PRRC2B: variants seen among roughly 807,000 people sequenced by gnomAD.
The protein encoded by PRRC2B is proline rich coiled-coil 2B.
Under a neutral mutation model 242.3 loss-of-function variants are expected in PRRC2B, and 68 were observed. The observed-to-expected ratio is 0.28, with a 90% CI of 0.23 to 0.34. The LOEUF (loss-of-function observed/expected upper bound fraction) is 0.34. Among genes scored for constraint, PRRC2B ranks in the 10% least tolerant of loss-of-function variants. PRRC2B has a pLI of 1.00. For synonymous variants in PRRC2B, 1,228 were observed against 1,173.6 expected (o/e 1.05, Z -0.95); for missense variants, 2,835 against 2,954.8 (o/e 0.96, Z 0.94).
chr9:131,420,498 T>TC (rs1564278664), intron 1 of PRRC2B, among the ~76,000 whole-genome samples: 8 of 90,762 alleles, frequency 8.8e-5, no homozygotes, highest in African/African-American at 2.8e-4. Context: ...TCTTTCTTTT[T>TC]TTTTTTTTTT....
At chr9:131,489,409 T>G (rs1036995881) in intron 28 of PRRC2B, among the ~76,000 whole-genome samples, 7 of 152,106 alleles carry the variant, frequency 4.6e-5, no homozygotes, top group Non-Finnish European at 7.4e-5. Flanking sequence ...CTCGAACTGC[T>G]GACCTCAGTG....
chr9:131,460,584 A>G (rs1227280080), intron 11 of PRRC2B, among the ~76,000 whole-genome samples: 1 of 151,930 alleles, frequency 6.6e-6, no homozygotes, highest in Non-Finnish European at 1.5e-5. Flanking sequence ...TCTTTTCCCT[A>G]TTTGTAGTTG....
chr9:131,466,943 AG>A, intron 12 of PRRC2B, among the ~76,000 whole-genome samples: 1 of 152,058 alleles, frequency 6.6e-6, no homozygotes, highest in South Asian at 2.1e-4. Context: ...CTGGGACTAC[AG>A]GTGCCCGCCA....
chr9:131,488,109 G>A lies in PRRC2B; in HGVS notation c.6225+13G>A. ...CCAGCTCCCACAGGTCAGGAATTCA[G>A]TCACTCTACCCAAAGCCCTAGGCTT... On this transcript the variant is annotated intron_variant, in intron 28 of 31. Transcript: ENST00000683519. The A allele has an allele frequency of 6.2e-7, 1 of 1,610,448 alleles. No individual in the cohort carries two copies. The highest frequency in any genetic ancestry group is 1.3e-5 in the African/African-American group (1 of 74,968).
At chr9:131,425,010 A>G (rs933098541) in intron 1 of PRRC2B, among the ~76,000 whole-genome samples, 1 of 152,132 alleles carries the variant, frequency 6.6e-6, no homozygotes, top group African/African-American at 2.4e-5. Context: ...TCTGCTGCCC[A>G]GGCTGGAGTG....
rs180782233 is a variant in PRRC2B, at chr9:131,447,571, C to T, written c.978-91C>T. The T allele has an allele frequency of 1.7e-5, 21 of 1,234,582 alleles. No homozygotes were observed. In the Middle Eastern group the frequency reaches 5.9e-4, roughly 35 times the overall value. The allele number at this position is 1,234,582 out of a possible 1,614,324, so 76.5% of individuals were successfully genotyped here. On this transcript the variant is annotated intron_variant, in intron 8 of 31. Transcript: ENST00000683519. ...AGAAATAATTAAATCAAACATGAACCTTTGCAGTGTGGAATTTATTTTTGG... is the reference window on the plus strand; with the variant it reads ...AGAAATAATTAAATCAAACATGAACTTTTGCAGTGTGGAATTTATTTTTGG...
In PRRC2B at chr9:131,475,253, C is replaced by T. The variant is rs1943656693; in HGVS notation, c.3124C>T (p.Pro1042Ser). The change falls in exon 16 of 32, where the codon CCC becomes TCC. Residue 1042 changes from proline (P) to serine (S), a missense_variant. Transcript: ENST00000683519. ...ARPPRESSDV[P>S]PMKRNNWIFI... The stretch of plus-strand genomic sequence containing the variant: ...ACCCCCACGAGAGTCCAGCGATGTT[C>T]CCCCCATGAAGAGAAATAACTGGAT... 1.9e-6 allele frequency: 3 copies of T among 1,613,350 alleles called. No individual in the cohort carries two copies. Among genetic ancestry groups the T allele is most frequent in the South Asian group, 1.1e-5 (1 of 91,062 alleles).
Position 131,388,584 on chromosome 9 carries a change from A to G in PRRC2B, c.-56+14853A>G, listed in dbSNP as rs1401766410. On this transcript the variant is annotated intron_variant, in intron 1 of 1. Coordinates refer to the PRRC2B transcript ENST00000682525. ...TTTTGAGACAGAGTCTTGCTCTGTC[A>G]CCAGGCTGGAGTGCAGTGGCGCGAT... 2.8e-5 allele frequency among the ~76,000 whole-genome samples: 4 copies of G among 145,344 alleles called. 1 individual carries two copies. The highest frequency in any genetic ancestry group is 6.1e-5 in the Non-Finnish European group (4 of 66,084).
At chr9:131,424,006 G>C (rs951985154) in intron 1 of PRRC2B, among the ~76,000 whole-genome samples, 1 of 151,458 alleles carries the variant, frequency 6.6e-6, no homozygotes, top group Non-Finnish European at 1.5e-5. Context: ...CCCAATCTCC[G>C]TTCACTGCAA....
chr9:131,373,657 C>A (rs1263823872), exon 1 of PRRC2B: 1 of 152,250 alleles, frequency 6.6e-6, no homozygotes, highest in Non-Finnish European at 1.5e-5. Context: ...CCCCGCCTTC[C>A]GCTCTGGGCC....
chr9:131,448,543 C>CAAAAAAAAAAAAA (rs754661321), intron 9 of PRRC2B, among the ~76,000 whole-genome samples: 682 of 39,836 alleles, frequency 0.017, 172 homozygotes, highest in East Asian at 0.037. Flanking sequence ...GACACTGTCT[C>CAAAAAAAAAAAAA]AAAAAAAAAA....
chr9:131,485,919 G>T (rs1944009533), intron 25 of PRRC2B, among the ~76,000 whole-genome samples, 166 bp from the exon 26 acceptor site: 1 of 152,144 alleles, frequency 6.6e-6, no homozygotes, highest in Non-Finnish European at 1.5e-5. Flanking sequence ...GTTGTGAGCA[G>T]GCGTGTGCTT....
intron 8 of PRRC2B, among the ~76,000 whole-genome samples, 196 bp from the exon 9 acceptor site, chr9:131,447,466 G>T (rs563503056): frequency 1.3e-4 from 20 of 152,318 alleles, no homozygotes; most frequent in African/African-American, 4.8e-4. Context: ...CAACCAGCAT[G>T]TAAAACTGCA....
intron 9 of PRRC2B, among the ~76,000 whole-genome samples, chr9:131,452,014 T>G (rs1374595159): frequency 2.0e-5 from 3 of 152,212 alleles, no homozygotes; most frequent in Non-Finnish European, 1.5e-5. Context: ...TTGTCAGGTT[T>G]TGGTATCAAG....
At chr9:131,417,630 G>T (rs1837694890) in intron 1 of PRRC2B, among the ~76,000 whole-genome samples, 1 of 152,126 alleles carries the variant, frequency 6.6e-6, no homozygotes, top group Admixed American at 6.5e-5. Context: ...TGCCAAAACT[G>T]TCCCTGTTGT....
intron 10 of PRRC2B, among the ~76,000 whole-genome samples, chr9:131,457,446 C>G (rs958595190): frequency 2.6e-5 from 4 of 152,202 alleles, no homozygotes; most frequent in African/African-American, 9.7e-5. Flanking sequence ...ACCAAGGGCA[C>G]TTCAAAATCA....
chr9:131,406,366 G>C (rs902712701), intron 1 of PRRC2B, among the ~76,000 whole-genome samples: 1 of 152,178 alleles, frequency 6.6e-6, no homozygotes, highest in Non-Finnish European at 1.5e-5. Context: ...ATAGCTGGCA[G>C]CTGCCCTGTG....
chr9:131,409,321 A>G (rs1837448027), intron 1 of PRRC2B, among the ~76,000 whole-genome samples: 3 of 151,204 alleles, frequency 2.0e-5, no homozygotes, highest in Admixed American at 1.3e-4. Context: ...CGCACCTTAC[A>G]GGTGCCTGCC....
chr9:131,486,564 G>T (rs761589140), intron 26 of PRRC2B: 2 of 981,510 alleles, frequency 2.0e-6, no homozygotes, highest in Non-Finnish European at 2.4e-6. Flanking sequence ...ATGAGCAGGC[G>T]TTGGTTATTT....
Sources: allele counts gnomAD v4.1 joint callset (sites outside exome capture counted in the v4.1 genomes callset), GRCh38; gene constraint gnomAD v4.1.1; transcripts MANE v1.5; gene names NCBI Gene and HGNC (gene_info 2026-07-23, HGNC 2026-07-21).